Variants in ULK4 observed in about 807,000 individuals in gnomAD.
The protein encoded by ULK4 is inactive serine/threonine-protein kinase ULK4.
In ULK4, 133 loss-of-function variants were observed where a neutral mutation model predicts 160.6. The ratio of observed to expected loss-of-function variants is 0.83; its 90% CI spans 0.72 to 0.96. The LOEUF is 0.96. ULK4 is among the 40% of genes least tolerant of loss of function. ULK4 has a pLI of 0.00. For synonymous variants in ULK4, 534 were observed against 539.8 expected (o/e 0.99, Z 0.15); for missense variants, 1,580 against 1,499.5 (o/e 1.05, Z -0.89).
At chr3:41,723,262 A>C (rs2037537285) in intron 22 of ULK4, among the ~76,000 whole-genome samples, 1 of 152,076 alleles carries the variant, frequency 6.6e-6, no homozygotes, top group South Asian at 2.1e-4. Context: ...TCTGTTTCTG[A>C]AATGCCTGTT....
At chr3:41,882,684 C>G (rs1697566687) in intron 17 of ULK4, among the ~76,000 whole-genome samples, 1 of 152,220 alleles carries the variant, frequency 6.6e-6, no homozygotes, top group Non-Finnish European at 1.5e-5. Flanking sequence ...GAGGCTCCTT[C>G]TTCACAGCTC....
intron 22 of ULK4, among the ~76,000 whole-genome samples, chr3:41,753,944 T>A (rs2038710027): frequency 6.6e-6 from 1 of 151,766 alleles, no homozygotes; most frequent in Admixed American, 6.6e-5. Context: ...GAGGATGGAG[T>A]GAGTGCCAGC....
rs374239789 is a variant in ULK4, at chr3:41,754,467, G to A, written c.2215C>T (p.Arg739Cys). The change falls in exon 22 of 37, where the codon CGT becomes TGT. Residue 739 changes from arginine to cysteine, a missense_variant. Transcript: ENST00000301831. ...QEKGFVSTIIRLLDSPSTCIR... is the reference protein window; with the variant it reads ...QEKGFVSTIICLLDSPSTCIR... ...CATGTTGAGGGGCTGTCAAGTAAACGGATAATTGTGGAGACAAAACCCTGT... is the reference window on the plus strand; with the variant it reads ...CATGTTGAGGGGCTGTCAAGTAAACAGATAATTGTGGAGACAAAACCCTGT... The A allele has an allele frequency of 1.9e-5, 30 of 1,612,564 alleles. No individual in the cohort carries two copies. Among genetic ancestry groups the A allele is most frequent in the African/African-American group, 4.0e-5 (3 of 74,812 alleles).
At chr3:41,349,071 T>C (rs1270604406) in intron 35 of ULK4, among the ~76,000 whole-genome samples, 4 of 152,182 alleles carry the variant, frequency 2.6e-5, no homozygotes, top group Non-Finnish European at 5.9e-5. Flanking sequence ...AGCCCTCCAG[T>C]CTGAAGTGAT....
rs137897203 is a variant in ULK4 at position 41,567,942 on chromosome 3, C to T, written c.3121-1812G>A. ...CCTCATGTTAACATCTTACCCTAAC[C>T]GTGTTGTATCTATCAAAACTAAGAC... On this transcript the variant is annotated intron_variant, in intron 31 of 36. Coordinates refer to ENST00000301831, the MANE Select transcript of ULK4 (RefSeq NM_017886.4). Among the ~76,000 whole-genome samples, 1,135 of 152,228 alleles carry T rather than the reference C, an allele frequency of 7.5e-3. 9 individuals are homozygous for T. Among genetic ancestry groups the T allele is most frequent in the Middle Eastern group, 0.034 (10 of 294 alleles).
At chr3:41,920,396 G>A (rs1484707127) in intron 5 of ULK4, among the ~76,000 whole-genome samples, 1 of 152,160 alleles carries the variant, frequency 6.6e-6, no homozygotes, top group Non-Finnish European at 1.5e-5. Context: ...CTATCCAGGA[G>A]AATAGGAAAT....
chr3:41,414,313 T>C (rs1375031770), intron 34 of ULK4, among the ~76,000 whole-genome samples: 4 of 152,226 alleles, frequency 2.6e-5, no homozygotes, highest in African/African-American at 9.6e-5. Context: ...TCAAATGCTT[T>C]ATGGGAGAGA....
chr3:41,938,220 C>T, intron 2 of ULK4, 23 bp from the exon 3 acceptor site: 1 of 1,584,152 alleles, frequency 6.3e-7, no homozygotes, highest in Non-Finnish European at 8.6e-7. Flanking sequence ...AGAGCAATCA[C>T]TCTAAAAAGA....
At chr3:41,793,055 C>A (rs1281252064) in intron 20 of ULK4, among the ~76,000 whole-genome samples, 1 of 152,076 alleles carries the variant, frequency 6.6e-6, no homozygotes, top group East Asian at 1.9e-4. Context: ...TGCCTGTAAT[C>A]CCAGCTATGC....
At chr3:41,802,311 T>A (rs1206554400) in intron 19 of ULK4, among the ~76,000 whole-genome samples, 1 of 152,230 alleles carries the variant, frequency 6.6e-6, no homozygotes, top group Non-Finnish European at 1.5e-5. Context: ...GCTGTTTTTC[T>A]TTTTGAGACA....
At chr3:41,563,433 G>C (rs2087673434) in intron 32 of ULK4, among the ~76,000 whole-genome samples, 1 of 152,096 alleles carries the variant, frequency 6.6e-6, no homozygotes, top group Non-Finnish European at 1.5e-5. Flanking sequence ...AGTTCTCCTG[G>C]ATAATATCCT....
intron 34 of ULK4, among the ~76,000 whole-genome samples, chr3:41,453,047 T>C (rs1441091420): frequency 3.3e-5 from 5 of 152,154 alleles, no homozygotes; most frequent in Non-Finnish European, 5.9e-5. Flanking sequence ...GGGGTACTTA[T>C]GTGGAAGGCA....
intron 33 of ULK4, among the ~76,000 whole-genome samples, chr3:41,459,221 TA>T (rs2083627328): frequency 6.6e-6 from 1 of 151,952 alleles, no homozygotes. Flanking sequence ...CCGGCTAATT[TA>T]TTTTTTTATT....
At position 41,918,727 on chromosome 3, in the gene ULK4, C is replaced by G. The variant is rs572052695; in HGVS notation, c.644-187G>C. 3.8e-3 allele frequency among the ~76,000 whole-genome samples: 569 copies of G among 151,666 alleles called. 3 individuals are homozygous for G. Among genetic ancestry groups the G allele is most frequent in the African/African-American group, 0.013 (531 of 41,330 alleles). On this transcript the variant is annotated intron_variant, in intron 6 of 36. Transcript: ENST00000301831. ...GGCCACTCTCCTGCTTCAGCCTCCC[C>G]AGCAGCTGGGACCACAGGCGCACGC... is the stretch of plus-strand genomic sequence containing the variant.
chr3:41,881,273 G>C (rs188516423), intron 17 of ULK4, among the ~76,000 whole-genome samples: 18 of 113,350 alleles, frequency 1.6e-4, no homozygotes, highest in African/African-American at 6.1e-4. Context: ...ACATCCTGTA[G>C]CAGAAACTTC....
At chr3:41,642,196 T>C (rs2125718641) in intron 30 of ULK4, among the ~76,000 whole-genome samples, 1 of 151,946 alleles carries the variant, frequency 6.6e-6, no homozygotes, top group East Asian at 1.9e-4. Context: ...TTTTTACTCT[T>C]TTTTTTTAAT....
At chr3:41,809,427 A>ATCCC (rs2040753497) in intron 19 of ULK4, among the ~76,000 whole-genome samples, 2 of 152,196 alleles carry the variant, frequency 1.3e-5, no homozygotes. Context: ...ATCAATCCAC[A>ATCCC]AATGTGAAAC....
At chr3:41,657,689 C>T (rs1479908637) in intron 30 of ULK4, among the ~76,000 whole-genome samples, 7 of 151,664 alleles carry the variant, frequency 4.6e-5, no homozygotes, top group East Asian at 1.9e-4. Flanking sequence ...TGGTGGCAGA[C>T]GCCTGTAATC....
At chr3:41,702,437 G>A (rs1291037842) in intron 27 of ULK4, among the ~76,000 whole-genome samples, 2 of 152,078 alleles carry the variant, frequency 1.3e-5, no homozygotes, top group East Asian at 3.8e-4. Flanking sequence ...GAGTCATCCC[G>A]CCTGGCCCAG....
Sources: allele counts gnomAD v4.1 joint callset (sites outside exome capture counted in the v4.1 genomes callset), GRCh38; gene constraint gnomAD v4.1.1; transcripts MANE v1.5; gene names NCBI Gene and HGNC (gene_info 2026-07-23, HGNC 2026-07-21).